TPO: variants seen among roughly 807,000 people sequenced by gnomAD.
The protein encoded by TPO is thyroid peroxidase.
In TPO, 78 loss-of-function variants were observed where a neutral mutation model predicts 96.9. That is an observed-to-expected ratio of 0.81 (90% CI 0.67 to 0.97). The LOEUF is 0.97. Ranked by LOEUF, TPO falls within the 50% of genes least tolerant of loss-of-function variation. The pLI, the probability that TPO is intolerant of heterozygous loss-of-function variation, is 0.00. For synonymous variants in TPO, 547 were observed against 538.0 expected (o/e 1.02, Z -0.23); for missense variants, 1,252 against 1,274.8 (o/e 0.98, Z 0.27).
Position 1,496,692 on chromosome 2 carries a change from G to T in TPO, c.2313G>T (p.Gly771=). The T allele has an allele frequency of 6.2e-7, 1 of 1,614,110 alleles. No homozygotes were observed. Among genetic ancestry groups the T allele is most frequent in the Non-Finnish European group, 8.5e-7 (1 of 1,180,028 alleles). ...TGCTGGTGTATTCCTGCCGGCACGG[G>T]TATGAGCTCCAAGGCCGGGAGCAGC... is the stretch of plus-strand genomic sequence containing the variant. ...RRVLVYSCRH[G]YELQGREQLT... is the part of the protein sequence containing the mutation. The change falls in exon 13 of 17, where the codon GGG becomes GGT. Residue 771 remains glycine (G), a synonymous_variant. Coordinates refer to ENST00000329066, the MANE Select transcript of TPO (RefSeq NM_001206744.2).
At chr2:1,480,852 C>CGT (rs1553316831) in intron 8 of TPO, among the ~76,000 whole-genome samples, 2 of 60,004 alleles carry the variant, frequency 3.3e-5, no homozygotes, top group Admixed American at 1.9e-4. Flanking sequence ...CCTCACCATA[C>CGT]CCACTCTAAT....
Position 1,377,667 on chromosome 2 carries a change from A to G in TPO, n.180+3265A>G, listed in dbSNP as rs184453605. On this transcript the variant is annotated intron_variant and non_coding_transcript_variant, in intron 1 of 5. Coordinates refer to the TPO transcript ENST00000497517. ...AAATTCATGTCGGTCTTGTCCTCAC[A>G]GGTTCTCCTGGCCCTGGGTGAGTCA... Among the ~76,000 whole-genome samples, 587 of 152,272 alleles carry G rather than the reference A, an allele frequency of 3.9e-3. 4 individuals carry two copies. The highest frequency in any genetic ancestry group is 0.014 in the African/African-American group (563 of 41,556).
At chr2:1,472,827 C>CA (rs34064729) in intron 7 of TPO, among the ~76,000 whole-genome samples, 3,824 of 47,868 alleles carry the variant, frequency 0.08, 350 homozygotes, top group Middle Eastern at 0.25. Flanking sequence ...TGTTTGGCGG[C>CA]AAAAAAAAAA....
chr2:1,452,089 T>C lies in TPO; in HGVS notation c.483-1605T>C, dbSNP rs1452958504. Among the ~76,000 whole-genome samples, 3 of 152,236 alleles carry C rather than the reference T, an allele frequency of 2.0e-5. No homozygotes were observed. The East Asian group carries it at 5.8e-4, about 29-fold the overall frequency. Reference sequence around the variant, plus strand: ...ATATGTATTTTATTTTGCATGTTACTTTTTATGTATTTTATAAATTTAAAT... The same window carrying C: ...ATATGTATTTTATTTTGCATGTTACCTTTTATGTATTTTATAAATTTAAAT... On this transcript the variant is annotated intron_variant, in intron 5 of 16. Coordinates refer to ENST00000329066, the MANE Select transcript of TPO (RefSeq NM_001206744.2).
intron 14 of TPO, chr2:1,512,370 A>G (rs1674240858): frequency 4.1e-6 from 4 of 984,854 alleles, no homozygotes; most frequent in Middle Eastern, 5.2e-4. Flanking sequence ...CTGCCTGGAC[A>G]CTGTCCATCT....
chr2:1,465,837 A>G (rs1668847636), intron 7 of TPO, among the ~76,000 whole-genome samples: 1 of 152,194 alleles, frequency 6.6e-6, no homozygotes, highest in African/African-American at 2.4e-5. Context: ...TCATATCATT[A>G]GCAAACAGCA....
chr2:1,482,702 A>G (rs28910602), intron 8 of TPO, among the ~76,000 whole-genome samples: 2 of 152,130 alleles, frequency 1.3e-5, no homozygotes, highest in African/African-American at 4.8e-5. Flanking sequence ...TTGAGAAAGC[A>G]TCTCCTCTAT....
intron 15 of TPO, among the ~76,000 whole-genome samples, chr2:1,525,076 C>A (rs1478355879): frequency 8.6e-6 from 1 of 115,620 alleles, no homozygotes; most frequent in Non-Finnish European, 1.8e-5. Flanking sequence ...TGCAACCCCC[C>A]CAAATCCCCC....
intron 5 of TPO, among the ~76,000 whole-genome samples, chr2:1,445,677 T>C (rs1401261065): frequency 2.5e-5 from 3 of 120,694 alleles, no homozygotes; most frequent in East Asian, 2.9e-4. Flanking sequence ...CTGCAGGAGG[T>C]ACCGTGTTGG....
intron 1 of TPO, among the ~76,000 whole-genome samples, chr2:1,400,215 A>G (rs1662145953): frequency 6.6e-6 from 1 of 152,232 alleles, no homozygotes; most frequent in African/African-American, 2.4e-5. Flanking sequence ...AAAATAGGCC[A>G]GCTGCGGTGG....
At chr2:1,492,480 A>T (rs2124908751) in intron 10 of TPO, among the ~76,000 whole-genome samples, 1 of 152,026 alleles carries the variant, frequency 6.6e-6, no homozygotes, top group African/African-American at 2.4e-5. Flanking sequence ...TTTGAATCTC[A>T]CTCATGCCTT....
chr2:1,437,455 C>CT (rs892264867), intron 5 of TPO, among the ~76,000 whole-genome samples: 1 of 148,888 alleles, frequency 6.7e-6, no homozygotes, highest in Non-Finnish European at 1.5e-5. Context: ...ATGCCCCCCC[C>CT]GAGAGAGGGA....
chr2:1,532,281 G>A (rs1316204690), intron 15 of TPO, among the ~76,000 whole-genome samples: 2 of 27,342 alleles, frequency 7.3e-5, no homozygotes, highest in African/African-American at 1.5e-4. Context: ...ACCTCCTCAA[G>A]TCCCCCACTG....
chr2:1,488,469 C>G (rs1351947077), intron 10 of TPO, among the ~76,000 whole-genome samples: 2 of 152,094 alleles, frequency 1.3e-5, no homozygotes, highest in Non-Finnish European at 2.9e-5. Flanking sequence ...GGCCAGCAGC[C>G]CCCTGTGCTC....
chr2:1,381,713 G>A (rs1286433090), intron 1 of TPO, among the ~76,000 whole-genome samples: 2 of 152,170 alleles, frequency 1.3e-5, no homozygotes, highest in Non-Finnish European at 2.9e-5. Flanking sequence ...TTAACCCATT[G>A]ATGTTAACAT....
At chr2:1,541,473 C>T (rs965539158) in intron 16 of TPO, 1 of 155,908 alleles carries the variant, frequency 6.4e-6, no homozygotes, top group African/African-American at 2.4e-5. Flanking sequence ...CCTCTTGCCT[C>T]AGCCTCTTGC....
At chr2:1,540,142 C>T (rs112000300) in intron 15 of TPO, among the ~76,000 whole-genome samples, 1 of 152,176 alleles carries the variant, frequency 6.6e-6, no homozygotes, top group Non-Finnish European at 1.5e-5. Flanking sequence ...GCTTCCTCCC[C>T]CTCATCTCCA....
intron 1 of TPO, among the ~76,000 whole-genome samples, chr2:1,398,535 A>G (rs1237669388): frequency 4.6e-5 from 7 of 152,198 alleles, no homozygotes; most frequent in Admixed American, 1.3e-4. Flanking sequence ...TTGTGGCCCC[A>G]GCATTGCAGA....
At chr2:1,498,615 G>T (rs944217606) in intron 13 of TPO, among the ~76,000 whole-genome samples, 1 of 152,234 alleles carries the variant, frequency 6.6e-6, no homozygotes, top group Non-Finnish European at 1.5e-5. Flanking sequence ...ATGAATGACA[G>T]TGTACAAGGA....
Sources: allele counts gnomAD v4.1 joint callset (sites outside exome capture counted in the v4.1 genomes callset), GRCh38; gene constraint gnomAD v4.1.1; transcripts MANE v1.5; gene names NCBI Gene and HGNC (gene_info 2026-07-23, HGNC 2026-07-21).